The following RAP1GAP2 variants were observed in gnomAD, a reference collection of about 807,000 sequenced individuals.
The protein encoded by RAP1GAP2 is rap1 GTPase-activating protein 2.
A neutral mutation model predicts 95.0 loss-of-function variants in RAP1GAP2; 27 were observed. That is an observed-to-expected ratio of 0.28 (90% CI 0.21 to 0.39). The LOEUF (loss-of-function observed/expected upper bound fraction) is 0.39, where lower values mean the gene tolerates loss of function less well. Ranked by LOEUF, RAP1GAP2 falls within the 10% of genes least tolerant of loss-of-function variation. The pLI is 1.00. For missense variants in RAP1GAP2, 771 were observed against 970.0 expected, an observed-to-expected ratio of 0.79 and a Z score of 2.72; for synonymous variants, 373 against 380.9, an observed-to-expected ratio of 0.98 and a Z score of 0.24.
rs1007453881 is a variant in RAP1GAP2 at position 2,870,340 on chromosome 17, A to G, written c.81-34944A>G. Among the ~76,000 whole-genome samples, 1 of 151,862 alleles carries G rather than the reference A, an allele frequency of 6.6e-6. No homozygotes were observed. The highest frequency in any genetic ancestry group is 2.4e-5 in the African/African-American group (1 of 41,322). ...TACTATGTTGGCCAGGCTGGTCTCA[A>G]ACTCTTGACCTCGTGATCTGCCTGC... On this transcript the variant is annotated intron_variant, in intron 2 of 24. Coordinates refer to ENST00000254695, the MANE Select transcript of RAP1GAP2 (RefSeq NM_015085.5). The surrounding 1 kb of genome is among the most constrained non-coding windows in gnomAD (Gnocchi z 4.4).
upstream of RAP1GAP2, among the ~76,000 whole-genome samples, chr17:2,794,725 C>T (rs1008432149): frequency 6.6e-6 from 1 of 152,170 alleles, no homozygotes; most frequent in Non-Finnish European, 1.5e-5. Context: ...ATCCTTGTAC[C>T]CTTCGTCCAC....
chr17:2,890,755 G>T (rs2073683913), intron 2 of RAP1GAP2, among the ~76,000 whole-genome samples: 1 of 151,298 alleles, frequency 6.6e-6, no homozygotes, highest in South Asian at 2.1e-4. Context: ...CGCAATCTTG[G>T]CTCACTGCAA....
rs192491531 is a variant in RAP1GAP2, at chr17:2,957,064, G to C, written c.166-695G>C. Among the ~76,000 whole-genome samples the C allele has an allele frequency of 1.1e-4, 17 of 151,314 alleles. No individual in the cohort carries two copies. In the East Asian group the frequency reaches 1.6e-3, roughly 14 times the overall value. On this transcript the variant is annotated intron_variant, in intron 3 of 24. Transcript: ENST00000254695. Reference sequence around the variant, plus strand: ...AATGGCGTGAACCCGGGAGGCGGAGGTTGCAGTGAGCCGAGATTGCGCCAC... The same window carrying C: ...AATGGCGTGAACCCGGGAGGCGGAGCTTGCAGTGAGCCGAGATTGCGCCAC...
chr17:2,799,513 C>A (rs178562), intron 1 of RAP1GAP2, among the ~76,000 whole-genome samples: 81,175 of 151,976 alleles, frequency 0.53, 21,970 homozygotes, highest in Middle Eastern at 0.6. Flanking sequence ...CCTGAGGCAG[C>A]GCTGGGCTGG....
intron 2 of RAP1GAP2, among the ~76,000 whole-genome samples, chr17:2,862,255 C>T (rs1436692232): frequency 6.6e-6 from 1 of 152,192 alleles, no homozygotes; most frequent in African/African-American, 2.4e-5. Flanking sequence ...CAGAGGCAGC[C>T]TCCCTTCATT....
chr17:2,936,810 C>A (rs1447273198), intron 3 of RAP1GAP2, among the ~76,000 whole-genome samples: 1 of 152,194 alleles, frequency 6.6e-6, no homozygotes, highest in Admixed American at 6.5e-5. Context: ...AGAGCCATTG[C>A]CCACTCCTCT....
Position 3,005,302 on chromosome 17 carries a change from G to T in RAP1GAP2, c.1201-67G>T. 1 of 1,450,322 alleles carries T rather than the reference G, an allele frequency of 6.9e-7. No individual in the cohort carries two copies. Among genetic ancestry groups the T allele is most frequent in the Non-Finnish European group, 9.7e-7 (1 of 1,030,810 alleles). 89.8% of individuals were successfully genotyped at this position (1,450,322 alleles called of 1,614,324 possible). A position where few individuals can be genotyped will look rare whatever the true frequency, so the allele number is the denominator to read the frequency against. On this transcript the variant is annotated intron_variant, in intron 14 of 24. Transcript: ENST00000254695. This position sits in a 1 kb window ranked among gnomAD's most constrained non-coding sequence, Gnocchi z 5.2. ...GAAGGTGAGTAGCTTTGTAAGGAGC[G>T]TGGCTCCCGTAGGGGCAGCGCTCGT...
chr17:2,982,879 G>A lies in RAP1GAP2; in HGVS notation c.729+1631G>A, dbSNP rs73298908. Among the ~76,000 whole-genome samples, 1,186 of 152,306 alleles carry A rather than the reference G, an allele frequency of 7.8e-3. 13 individuals are homozygous for A. The highest frequency in any genetic ancestry group is 0.027 in the African/African-American group (1,122 of 41,558). ...CTGTATCTGAAGGACCGCTGAGTCC[G>A]GCTGGGATGTTCATCTGGCTGAGAT... is the stretch of plus-strand genomic sequence containing the variant. On this transcript the variant is annotated intron_variant, in intron 10 of 24. Coordinates refer to ENST00000254695, the MANE Select transcript of RAP1GAP2 (RefSeq NM_015085.5).
At chr17:2,946,643 A>T (rs1046679284) in intron 3 of RAP1GAP2, among the ~76,000 whole-genome samples, 2 of 152,196 alleles carry the variant, frequency 1.3e-5, no homozygotes, top group Non-Finnish European at 2.9e-5. Context: ...CCTCCCACAC[A>T]GCAGCAGCAT....
chr17:2,953,278 A>G (rs1448216834), intron 3 of RAP1GAP2, among the ~76,000 whole-genome samples: 3 of 151,164 alleles, frequency 2.0e-5, no homozygotes, highest in Non-Finnish European at 2.9e-5. Context: ...AGCTCACTGC[A>G]GCCTTGAACT....
Position 2,916,639 on chromosome 17 carries a change from G to A in RAP1GAP2, c.165+11271G>A, listed in dbSNP as rs2042578194. ...CCAGTCTCTTCACTTGCATAATAGG[G>A]ACGGTGGCCACCGGGAGGAGTGGGT... On this transcript the variant is annotated intron_variant, in intron 3 of 24. Coordinates refer to ENST00000254695, the MANE Select transcript of RAP1GAP2 (RefSeq NM_015085.5). Among the ~76,000 whole-genome samples, 3 of 152,178 alleles carry A rather than the reference G, an allele frequency of 2.0e-5. No homozygotes were observed. In the South Asian group the frequency reaches 6.2e-4, roughly 32 times the overall value.
In RAP1GAP2 at chr17:3,005,944, G is replaced by A. The variant is rs761631240; in HGVS notation, c.1273-11G>A. ...GAGTGACAGACCTGAGGTCCGTCTT[G>A]TCTCTTCCAGGGCCCGGAATTCAGG... is the stretch of plus-strand genomic sequence containing the variant. On this transcript the variant is annotated splice_polypyrimidine_tract_variant and intron_variant, in intron 15 of 24. Transcript: ENST00000254695. This position sits in a 1 kb window ranked among gnomAD's most constrained non-coding sequence, Gnocchi z 5.2. 1.9e-6 allele frequency: 3 copies of A among 1,612,770 alleles called. No homozygotes were observed. Among genetic ancestry groups the A allele is most frequent in the East Asian group, 2.2e-5 (1 of 44,858 alleles).
chr17:2,795,960 G>C (rs1213286852), upstream of RAP1GAP2, among the ~76,000 whole-genome samples: 1 of 152,292 alleles, frequency 6.6e-6, no homozygotes, highest in Middle Eastern at 3.4e-3. Flanking sequence ...CCATGCGTGT[G>C]CATGTATACT....
intron 3 of RAP1GAP2, among the ~76,000 whole-genome samples, chr17:2,943,399 TAC>T (rs1470226037): frequency 6.6e-6 from 1 of 152,110 alleles, no homozygotes; most frequent in Admixed American, 6.6e-5. Context: ...TAGGGGTGGG[TAC>T]AGTGCTCACG....
At chr17:2,908,641 T>TA (rs1203731649) in intron 3 of RAP1GAP2, among the ~76,000 whole-genome samples, 1 of 151,940 alleles carries the variant, frequency 6.6e-6, no homozygotes, top group Non-Finnish European at 1.5e-5. Flanking sequence ...AGCCAGTAGA[T>TA]ACATGGGACA....
intron 2 of RAP1GAP2, among the ~76,000 whole-genome samples, chr17:2,805,816 C>T (rs570831711): frequency 6.6e-6 from 1 of 151,948 alleles, no homozygotes; most frequent in African/African-American, 2.4e-5. Flanking sequence ...CTGAGGTGAC[C>T]GTCATGCACA....
chr17:2,935,047 C>G (rs1436603946), intron 3 of RAP1GAP2, among the ~76,000 whole-genome samples: 2 of 152,184 alleles, frequency 1.3e-5, no homozygotes, highest in African/African-American at 2.4e-5. Flanking sequence ...AGACAATACA[C>G]CCAAGCCCTG....
intron 2 of RAP1GAP2, among the ~76,000 whole-genome samples, chr17:2,816,847 G>A (rs2070048133): frequency 8.3e-6 from 1 of 120,434 alleles, no homozygotes; most frequent in Non-Finnish European, 2.0e-5. Context: ...TCTGCTTTCT[G>A]TTTCTATGAA....
chr17:2,834,795 T>TA (rs1404688655), intron 2 of RAP1GAP2, among the ~76,000 whole-genome samples: 7 of 151,868 alleles, frequency 4.6e-5, no homozygotes, highest in African/African-American at 1.7e-4. Context: ...AGACCCTGTC[T>TA]CAAAAAAAAG....
Sources: gnomAD v4.1 joint callset for allele counts (sites outside exome capture counted in the v4.1 genomes callset) on GRCh38, gnomAD v4.1.1 for gene constraint, Gnocchi (gnomAD v3.1) non-coding constraint, MANE v1.5 for transcripts, NCBI Gene and HGNC (gene_info 2026-07-23, HGNC 2026-07-21) for gene names.